Variants in CARMIL1 observed in about 807,000 individuals in gnomAD.
CARMIL1 encodes the protein F-actin-uncapping protein LRRC16A.
In CARMIL1, 90 loss-of-function variants were observed where a neutral mutation model predicts 177.1. The ratio of observed to expected loss-of-function variants is 0.51; its 90% CI spans 0.43 to 0.61. CARMIL1 has a LOEUF of 0.61. Among genes scored for constraint, CARMIL1 ranks in the 20% least tolerant of loss-of-function variants. The pLI is 0.00. For missense variants in CARMIL1, 1,380 were observed against 1,667.0 expected (o/e 0.83, Z 3.00); for synonymous variants, 577 against 606.2 (o/e 0.95, Z 0.71).
At chr6:25,491,476 T>C (rs1467825532) in intron 13 of CARMIL1, among the ~76,000 whole-genome samples, 3 of 152,204 alleles carry the variant, frequency 2.0e-5, no homozygotes, top group Non-Finnish European at 2.9e-5. Flanking sequence ...GAAAACTAAG[T>C]CATGCATAAC....
chr6:25,439,937 T>G (rs1797583763), intron 5 of CARMIL1, among the ~76,000 whole-genome samples: 2 of 152,142 alleles, frequency 1.3e-5, no homozygotes, highest in Admixed American at 1.3e-4. Flanking sequence ...CCCTAATAAA[T>G]AAATCAGCAA....
intron 2 of CARMIL1, among the ~76,000 whole-genome samples, chr6:25,401,281 A>C (rs12213842): frequency 0.025 from 1,301 of 52,850 alleles, 15 homozygotes; most frequent in African/African-American, 0.081. Flanking sequence ...TTTATACACA[A>C]ACACACACAC....
chr6:25,332,769 A>G (rs12207798), intron 2 of CARMIL1, among the ~76,000 whole-genome samples: 17,901 of 137,492 alleles, frequency 0.13, 1,136 homozygotes, highest in Non-Finnish European at 0.15. Context: ...ACACACACAC[A>G]CACGCGCACA....
chr6:25,401,184 T>C (rs996449001), intron 2 of CARMIL1, among the ~76,000 whole-genome samples: 3 of 152,310 alleles, frequency 2.0e-5, no homozygotes, highest in African/African-American at 7.2e-5. Flanking sequence ...ACCTTTGCTT[T>C]TATAACATTG....
chr6:25,431,198 G>A lies in CARMIL1; in HGVS notation c.250-4285G>A, dbSNP rs182879442. Among the ~76,000 whole-genome samples the A allele has an allele frequency of 4.6e-5, 7 of 151,856 alleles. No homozygotes were observed. The East Asian group carries it at 7.7e-4, about 17-fold the overall frequency. On this transcript the variant is annotated intron_variant, in intron 4 of 36. Transcript: ENST00000329474. ...TTGATTTTCTATTTCCTATTTCATC[G>A]ACTTTTGCTCTGATCTTTGTTCTTT...
At chr6:25,416,183 ATC>A (rs1343407644) in intron 2 of CARMIL1, among the ~76,000 whole-genome samples, 2 of 152,044 alleles carry the variant, frequency 1.3e-5, no homozygotes, top group African/African-American at 4.8e-5. Context: ...ATATCCAAAC[ATC>A]TCTCATTGTA....
chr6:25,518,310 T>C (rs1386153359), intron 22 of CARMIL1, among the ~76,000 whole-genome samples: 2 of 152,206 alleles, frequency 1.3e-5, no homozygotes, highest in Non-Finnish European at 2.9e-5. Flanking sequence ...CCTGTGATCT[T>C]GATCAAGGCA....
At chr6:25,528,265 A>G (rs1261362272) in intron 23 of CARMIL1, among the ~76,000 whole-genome samples, 11 of 152,166 alleles carry the variant, frequency 7.2e-5, no homozygotes, top group Admixed American at 7.2e-4. Flanking sequence ...TATATCTTTG[A>G]GTTGTACCAG....
In CARMIL1 at chr6:25,510,608, T is replaced by A; in HGVS notation, c.1577+2T>A. 6.5e-7 allele frequency: 1 copy of A among 1,540,630 alleles called. No homozygotes were observed. The highest frequency in any genetic ancestry group is 8.8e-7 in the Non-Finnish European group (1 of 1,139,132). On this transcript the variant is annotated splice_donor_variant, in intron 19 of 36. Transcript: ENST00000329474. LOFTEE classifies it high-confidence loss of function. ...AAATTTTAATAATATGAAATCCAAG[T>A]AAGAGTTTTGAATTTTTTTATATGA...
intron 29 of CARMIL1, among the ~76,000 whole-genome samples, chr6:25,569,123 AGAATAGAGT>A (rs1270575707): frequency 6.6e-6 from 1 of 152,242 alleles, no homozygotes; most frequent in Non-Finnish European, 1.5e-5. Context: ...TCTCATAGGT[AGAATAGAGT>A]GTATGAATGA....
intron 16 of CARMIL1, among the ~76,000 whole-genome samples, chr6:25,499,131 G>A (rs1296163031): frequency 2.0e-5 from 3 of 152,112 alleles, no homozygotes; most frequent in Non-Finnish European, 2.9e-5. Context: ...TCAGAGACTT[G>A]GGCATAAAAT....
intron 2 of CARMIL1, among the ~76,000 whole-genome samples, chr6:25,349,885 C>T (rs941014808): frequency 1.3e-5 from 2 of 152,078 alleles, no homozygotes; most frequent in Non-Finnish European, 2.9e-5. Flanking sequence ...CATGCCACCA[C>T]GCCCAGCTAA....
intron 23 of CARMIL1, among the ~76,000 whole-genome samples, chr6:25,523,638 G>A (rs1806795860): frequency 6.6e-6 from 1 of 152,128 alleles, no homozygotes; most frequent in African/African-American, 2.4e-5. Flanking sequence ...ACTCTCAAGA[G>A]CTTGGAAGTT....
intron 30 of CARMIL1, 102 bp downstream of exon 30, chr6:25,581,092 G>A: frequency 7.7e-7 from 1 of 1,291,322 alleles, no homozygotes; most frequent in Non-Finnish European, 1.1e-6. Context: ...GCACTACATG[G>A]GTAAATATTG....
chr6:25,485,632 G>C (rs1400165626), intron 12 of CARMIL1, among the ~76,000 whole-genome samples: 1 of 151,856 alleles, frequency 6.6e-6, no homozygotes, highest in African/African-American at 2.4e-5. Context: ...ATGAGTTTTC[G>C]CCATGTTGGC....
chr6:25,323,710 A>C (rs985151717), intron 2 of CARMIL1, among the ~76,000 whole-genome samples: 44 of 152,364 alleles, frequency 2.9e-4, no homozygotes, highest in African/African-American at 8.9e-4. Flanking sequence ...GTAAAGTAAC[A>C]TGACAGCTTA....
chr6:25,484,166 T>A (rs1276714267), intron 12 of CARMIL1, among the ~76,000 whole-genome samples: 2 of 152,224 alleles, frequency 1.3e-5, no homozygotes, highest in African/African-American at 4.8e-5. Context: ...TGTAAATTCC[T>A]CTATCTTAGC....
At chr6:25,363,348 A>G (rs927487092) in intron 2 of CARMIL1, among the ~76,000 whole-genome samples, 1 of 152,162 alleles carries the variant, frequency 6.6e-6, no homozygotes, top group Non-Finnish European at 1.5e-5. Context: ...TCAGAGGACT[A>G]GTGTTCCATG....
At chr6:25,603,616 G>C (rs2151314707) in intron 33 of CARMIL1, among the ~76,000 whole-genome samples, 1 of 152,304 alleles carries the variant, frequency 6.6e-6, no homozygotes, top group African/African-American at 2.4e-5. Flanking sequence ...AGAAGCATGG[G>C]ATGAGCAGGA....
Sources: allele counts gnomAD v4.1 joint callset (sites outside exome capture counted in the v4.1 genomes callset), GRCh38; gene constraint gnomAD v4.1.1; transcripts MANE v1.5; gene names NCBI Gene and HGNC (gene_info 2026-07-23, HGNC 2026-07-21).